MTCH2: variants seen among roughly 807,000 people sequenced by gnomAD.
MTCH2 encodes mitochondrial carrier 2, also known as mitochondrial carrier homolog 2.
In MTCH2, 25 loss-of-function variants were observed where a neutral mutation model predicts 50.6. The ratio of observed to expected loss-of-function variants is 0.49; its 90% CI spans 0.36 to 0.69. MTCH2 has a LOEUF of 0.69. MTCH2 is among the 30% of genes least tolerant of loss of function. MTCH2 has a pLI of 0.00. For synonymous variants in MTCH2, 106 were observed against 132.0 expected (o/e 0.80, Z 1.35); for missense variants, 273 against 384.4 (o/e 0.71, Z 2.42).
intron 10 of MTCH2, among the ~76,000 whole-genome samples, chr11:47,626,034 G>A (rs2097297850): frequency 6.6e-6 from 1 of 151,682 alleles, no homozygotes; most frequent in Non-Finnish European, 1.5e-5. Context: ...TTTTGAGATG[G>A]AGTTTCCCTC....
At chr11:47,638,235 A>G (rs1000040260) in intron 3 of MTCH2, among the ~76,000 whole-genome samples, 5 of 132,546 alleles carry the variant, frequency 3.8e-5, no homozygotes, top group Admixed American at 8.1e-5. Context: ...CTGCCTTTCC[A>G]TATGTAAATT....
the MTCH2 span, among the ~76,000 whole-genome samples, chr11:47,608,412 G>A: frequency 7.2e-5 from 11 of 152,116 alleles, no homozygotes; most frequent in African/African-American, 2.7e-4. Context: ...GAGGTGGACA[G>A]AAATTTCAAA....
intron 5 of MTCH2, among the ~76,000 whole-genome samples, chr11:47,633,526 A>ATATTT (rs1378774715): frequency 5.7e-5 from 2 of 35,078 alleles, no homozygotes; most frequent in African/African-American, 8.3e-5. Context: ...ATATATATAT[A>ATATTT]TTTTTTTTTT....
intron 5 of MTCH2, among the ~76,000 whole-genome samples, chr11:47,634,310 G>A (rs1349457859): frequency 6.6e-6 from 1 of 151,804 alleles, no homozygotes; most frequent in Admixed American, 6.6e-5. Flanking sequence ...TAACTCCTGG[G>A]GTCAAGTGAT....
the MTCH2 span, among the ~76,000 whole-genome samples, chr11:47,606,652 TC>T: frequency 6.6e-6 from 1 of 152,190 alleles, no homozygotes; most frequent in Non-Finnish European, 1.5e-5. Context: ...ACTTTTCAAA[TC>T]ATTTTTCTGG....
chr11:47,619,673 GT>G (rs1351586393), intron 12 of MTCH2, among the ~76,000 whole-genome samples: 6 of 152,290 alleles, frequency 3.9e-5, no homozygotes, highest in African/African-American at 1.4e-4. Context: ...GGGTGTGATG[GT>G]TCACACCGGT....
At chr11:47,638,094 T>C (rs1360020980) in intron 3 of MTCH2, among the ~76,000 whole-genome samples, 1 of 152,148 alleles carries the variant, frequency 6.6e-6, no homozygotes, top group Non-Finnish European at 1.5e-5. Context: ...GGACTACATT[T>C]GGAACATATT....
At chr11:47,628,815 T>C in intron 9 of MTCH2, 138 bp downstream of exon 9, 1 of 637,176 alleles carries the variant, frequency 1.6e-6, no homozygotes, top group Non-Finnish European at 2.7e-6. Context: ...TGATCTCAGG[T>C]GATCCGCCCA....
At chr11:47,639,339 A>G (rs1357945112) in intron 1 of MTCH2, among the ~76,000 whole-genome samples, 1 of 152,242 alleles carries the variant, frequency 6.6e-6, no homozygotes, top group Non-Finnish European at 1.5e-5. Flanking sequence ...TTGCGTTAGG[A>G]AAGCTACAGT....
chr11:47,638,958 G>C lies in MTCH2; in HGVS notation c.172+9C>G, dbSNP rs372464469. ...GTCATGCAAACCCAAATAAATCAAAGGCACTTACCATAACTAAAGAGACCA... is the reference window on the plus strand; with the variant it reads ...GTCATGCAAACCCAAATAAATCAAACGCACTTACCATAACTAAAGAGACCA... On this transcript the variant is annotated intron_variant, in intron 2 of 12. Coordinates refer to ENST00000302503, the MANE Select transcript of MTCH2 (RefSeq NM_014342.4). The C allele has an allele frequency of 1.1e-5, 17 of 1,600,344 alleles. No individual in the cohort carries two copies. The highest frequency in any genetic ancestry group is 5.5e-5 in the African/African-American group (4 of 72,348).
Position 47,627,094 on chromosome 11 carries a change from G to T in MTCH2, c.667C>A (p.Gln223Lys). The T allele has an allele frequency of 6.2e-7, 1 of 1,600,682 alleles. No individual in the cohort carries two copies. Among genetic ancestry groups the T allele is most frequent in the South Asian group, 1.1e-5 (1 of 89,376 alleles). The change falls in exon 10 of 13, where the codon CAA (glutamine) becomes AAA (lysine). Residue 223 changes from glutamine to lysine, a missense_variant. Physicochemically the swap from Gln to Lys is moderately conservative, Grantham distance 53 (BLOSUM62 1). This residue lies in a region of MTCH2 where 70 missense variants were observed against 140.1 expected (regional missense o/e 0.50). Coordinates refer to ENST00000302503, the MANE Select transcript of MTCH2 (RefSeq NM_014342.4). ...AAAAAACTCACTCCTGTGACAGCTT[G>T]AGAATAACTCTTCATTTCATTCATG... The part of the protein sequence containing the change: ...STMNEMKSYS[Q>K]AVTGFFASML...
At chr11:47,638,869 C>T (rs1282775506) in intron 2 of MTCH2, 64 bp from the exon 3 acceptor site, 3 of 1,574,158 alleles carry the variant, frequency 1.9e-6, no homozygotes, top group Non-Finnish European at 2.6e-6. Context: ...ACTACAATTT[C>T]AAAGAAACAA....
the MTCH2 span, among the ~76,000 whole-genome samples, chr11:47,610,239 G>T: frequency 2.0e-5 from 3 of 152,188 alleles, no homozygotes; most frequent in Non-Finnish European, 4.4e-5. Context: ...GAAAGGTTAG[G>T]ACAGTAAGAG....
chr11:47,605,097 A>AT, the MTCH2 span, among the ~76,000 whole-genome samples: 4 of 151,770 alleles, frequency 2.6e-5, no homozygotes, highest in Non-Finnish European at 4.4e-5. Context: ...CGCCTGGCTA[A>AT]TTTTTTTGTA....
At chr11:47,628,637 C>T (rs1243155253) in intron 9 of MTCH2, among the ~76,000 whole-genome samples, 5 of 152,220 alleles carry the variant, frequency 3.3e-5, no homozygotes, top group African/African-American at 9.6e-5. Context: ...TGCAGTGGCG[C>T]GATCTTGGCT....
chr11:47,613,255 G>C (rs112107024), downstream of MTCH2, among the ~76,000 whole-genome samples: 4 of 152,094 alleles, frequency 2.6e-5, no homozygotes, highest in African/African-American at 9.6e-5. Flanking sequence ...ACAAAATGCT[G>C]GGATTACAGG....
intron 12 of MTCH2, among the ~76,000 whole-genome samples, chr11:47,619,434 A>G (rs2097291180): frequency 6.6e-6 from 1 of 151,996 alleles, no homozygotes; most frequent in South Asian, 2.1e-4. Flanking sequence ...GGGTTTCACC[A>G]TATTGGCCAG....
At chr11:47,604,792 CA>C in the MTCH2 span, among the ~76,000 whole-genome samples, 4 of 152,064 alleles carry the variant, frequency 2.6e-5, no homozygotes. Flanking sequence ...ACAAGGTGCA[CA>C]ACATACCACC....
chr11:47,633,538 T>A (rs865874860), intron 5 of MTCH2, among the ~76,000 whole-genome samples: 171 of 53,026 alleles, frequency 3.2e-3, no homozygotes, highest in Middle Eastern at 0.012. Flanking sequence ...TTTTTTTTTT[T>A]TTTTTTTTTT....
Sources: allele counts gnomAD v4.1 joint callset (sites outside exome capture counted in the v4.1 genomes callset), GRCh38; gene constraint gnomAD v4.1.1; regional missense constraint gnomAD v4.1.1; transcripts MANE v1.5; gene names NCBI Gene and HGNC (gene_info 2026-07-23, HGNC 2026-07-21).